The following FEM1C variants were observed in gnomAD, a reference collection of about 807,000 sequenced individuals.
FEM1C encodes protein fem-1 homolog C.
Under a neutral mutation model 37.6 loss-of-function variants are expected in FEM1C, and 15 were observed. The observed-to-expected ratio is 0.40, with a 90% CI of 0.27 to 0.61. FEM1C has a LOEUF of 0.61. Ranked by LOEUF, FEM1C falls within the 20% of genes least tolerant of loss-of-function variation. The pLI, the probability that FEM1C is intolerant of heterozygous loss-of-function variation, is 0.42. For synonymous variants in FEM1C, 287 were observed against 272.8 expected (o/e 1.05, Z -0.51); for missense variants, 532 against 749.7 (o/e 0.71, Z 3.39).
intron 2 of FEM1C, among the ~76,000 whole-genome samples, chr5:115,529,853 A>ACATAACTACAT (rs1223841435): frequency 6.6e-6 from 1 of 152,020 alleles, no homozygotes; most frequent in Non-Finnish European, 1.5e-5. Context: ...GAGGGTATGC[A>ACATAACTACAT]CATAACTACA....
intron 2 of FEM1C, among the ~76,000 whole-genome samples, chr5:115,536,557 G>C (rs1464689728): frequency 6.6e-6 from 1 of 151,812 alleles, no homozygotes; most frequent in Non-Finnish European, 1.5e-5. Context: ...GATGGAGGAG[G>C]TAAGAAGGGA....
At chr5:115,532,323 T>G (rs571571474) in intron 2 of FEM1C, among the ~76,000 whole-genome samples, 1 of 152,132 alleles carries the variant, frequency 6.6e-6, no homozygotes, top group Non-Finnish European at 1.5e-5. Context: ...CTAAGGTAGA[T>G]TCTAAATTTT....
At chr5:115,543,876 G>GTTCT (rs1754296726) in intron 1 of FEM1C, 193 bp from the exon 2 acceptor site, 27 of 984,812 alleles carry the variant, frequency 2.7e-5, no homozygotes, top group Non-Finnish European at 3.3e-5. Flanking sequence ...AGACCCAAAT[G>GTTCT]TTCTGGTCGC....
intron 2 of FEM1C, among the ~76,000 whole-genome samples, chr5:115,535,183 T>C (rs188219004): frequency 1.3e-5 from 2 of 151,800 alleles, no homozygotes; most frequent in African/African-American, 4.8e-5. Context: ...AACAATTTTC[T>C]TGTTTAAGTA....
chr5:115,524,743 A>T lies in FEM1C; in HGVS notation c.1419T>A (p.Leu473=), dbSNP rs979699778. 2.6e-6 allele frequency: 4 copies of T among 1,543,294 alleles called. No individual in the cohort carries two copies. Among genetic ancestry groups the T allele is most frequent in the Admixed American group, 2.1e-5 (1 of 48,000 alleles). Residue 473 remains leucine (L), a synonymous_variant, in exon 3 of 3, where the codon CTT becomes CTA. Transcript: ENST00000274457. ...HFKKQTIYRF[L]KLHPRGKNNF... ...TATTCTTTCCCCTTGGATGCAGCTT[A>T]AGAAACCTGTATATAGTCTGCTTTT...
chr5:115,527,261 G>A (rs897140458), intron 2 of FEM1C, among the ~76,000 whole-genome samples: 1 of 152,070 alleles, frequency 6.6e-6, no homozygotes, highest in Non-Finnish European at 1.5e-5. Context: ...GTACCAGAAA[G>A]TATTTTAAAC....
At chr5:115,528,372 C>G (rs912608624) in intron 2 of FEM1C, among the ~76,000 whole-genome samples, 1 of 152,112 alleles carries the variant, frequency 6.6e-6, no homozygotes, top group Non-Finnish European at 1.5e-5. Context: ...AGCTGAAACA[C>G]TGAGCAGAAC....
At chr5:115,530,406 A>G (rs948302898) in intron 2 of FEM1C, among the ~76,000 whole-genome samples, 1 of 152,286 alleles carries the variant, frequency 6.6e-6, no homozygotes, top group African/African-American at 2.4e-5. Flanking sequence ...AAAAATCGAC[A>G]GAACTACTAG....
intron 2 of FEM1C, among the ~76,000 whole-genome samples, chr5:115,530,853 AG>A (rs1754000344): frequency 6.6e-6 from 1 of 152,116 alleles, no homozygotes; most frequent in Non-Finnish European, 1.5e-5. Flanking sequence ...TTAGATAAAA[AG>A]AAAGGCTTAT....
In FEM1C at chr5:115,524,423, G is replaced by C; in HGVS notation, c.1739C>G (p.Pro580Arg). ...EKEIAKNLIQPINHTTLQCLA... is the reference protein window; with the variant it reads ...EKEIAKNLIQRINHTTLQCLA... ...ACACTGCAATGTGGTATGATTTATA[G>C]GCTGGATTAAATTTTTAGCTATTTC... The change falls in exon 3 of 3, where the codon CCT becomes CGT. Residue 580 changes from proline (P) to arginine (R), a missense_variant. By Grantham distance (103) the Pro-to-Arg change is moderately radical. Transcript: ENST00000274457. 6.2e-7 allele frequency: 1 copy of C among 1,613,460 alleles called. No homozygotes were observed. The highest frequency in any genetic ancestry group is 8.5e-7 in the Non-Finnish European group (1 of 1,179,690).
rs1753959595 is a variant in FEM1C at position 115,528,870 on chromosome 5, C to T, written c.545-3253G>A. Among the ~76,000 whole-genome samples, 2 of 151,972 alleles carry T rather than the reference C, an allele frequency of 1.3e-5. 1 individual carries two copies. The highest frequency in any genetic ancestry group is 1.3e-4 in the Admixed American group (2 of 15,254). ...GAGTTTTTTAAAATTGAGAATTCAA[C>T]AGAAAACTGGAAACTAATCAAGTAG... On this transcript the variant is annotated intron_variant, in intron 2 of 2. Coordinates refer to ENST00000274457, the MANE Select transcript of FEM1C (RefSeq NM_020177.3).
At chr5:115,532,283 ATC>A (rs1754032730) in intron 2 of FEM1C, among the ~76,000 whole-genome samples, 3 of 152,128 alleles carry the variant, frequency 2.0e-5, no homozygotes. Flanking sequence ...TATTTCTTAT[ATC>A]CCAGAAGCAA....
Position 115,524,954 on chromosome 5 carries a change from C to T in FEM1C, c.1208G>A (p.Gly403Asp), listed in dbSNP as rs780305055. Reference protein sequence around the residue: ...MLQDRAKGLLGTTVTFDDLMG... With the variant: ...MLQDRAKGLLDTTVTFDDLMG... ...AAGATCATCAAATGTAACAGTAGTA[C>T]CCAGCAGGCCTTTAGCCCTATCCTG... The change falls in exon 3 of 3, where the codon GGT (glycine) becomes GAT (aspartate). Residue 403 changes from glycine to aspartate, a missense_variant. By Grantham distance (94) the Gly-to-Asp change is moderately conservative. Transcript: ENST00000274457. 1 of 1,613,672 alleles carries T rather than the reference C, an allele frequency of 6.2e-7. No homozygotes were observed. Among genetic ancestry groups the T allele is most frequent in the African/African-American group, 1.3e-5 (1 of 74,950 alleles).
At chr5:115,538,731 T>G (rs1754180354) in intron 2 of FEM1C, among the ~76,000 whole-genome samples, 1 of 152,048 alleles carries the variant, frequency 6.6e-6, no homozygotes, top group Non-Finnish European at 1.5e-5. Context: ...AATTCAGCCC[T>G]GAGTGCCTTT....
chr5:115,543,050 A>T lies in FEM1C; in HGVS notation c.444T>A (p.His148Gln), dbSNP rs752355409. ...HKADLEVSNR[H>Q]GHTCLMISCY... The stretch of plus-strand genomic sequence containing the variant: ...ATGAAATCATCAAGCACGTATGCCC[A>T]TGTCGGTTTGACACTTCCAAATCAG... The change falls in exon 2 of 3, where the codon CAT becomes CAA. Residue 148 changes from histidine to glutamine, a missense_variant. By Grantham distance (24) the His-to-Gln change is conservative. This residue lies in a region of FEM1C where 221 missense variants were observed against 404.1 expected (regional missense o/e 0.55). Transcript: ENST00000274457. The T allele has an allele frequency of 1.9e-6, 3 of 1,614,220 alleles. No individual in the cohort carries two copies. The highest frequency in any genetic ancestry group is 2.5e-6 in the Non-Finnish European group (3 of 1,180,040).
intron 2 of FEM1C, among the ~76,000 whole-genome samples, chr5:115,526,467 A>G (rs1330471724): frequency 6.6e-6 from 1 of 152,150 alleles, no homozygotes; most frequent in African/African-American, 2.4e-5. Context: ...ATGTTCTAAC[A>G]CTGTCCTTTT....
chr5:115,540,474 A>G (rs2127175177), intron 2 of FEM1C, among the ~76,000 whole-genome samples: 1 of 152,212 alleles, frequency 6.6e-6, no homozygotes, highest in East Asian at 1.9e-4. Flanking sequence ...TTAAAGACAT[A>G]CATATTAGAT....
intron 1 of FEM1C, chr5:115,543,976 T>C (rs1754299056): frequency 2.0e-6 from 2 of 985,250 alleles, no homozygotes; most frequent in African/African-American, 1.7e-5. Flanking sequence ...TTTGTTCTAG[T>C]TTTGCTTTGC....
chr5:115,539,264 G>C (rs1580384947), intron 2 of FEM1C, among the ~76,000 whole-genome samples: 2 of 152,094 alleles, frequency 1.3e-5, no homozygotes, highest in Middle Eastern at 6.8e-3. Context: ...ATTTCTGTTA[G>C]AATTAGGGTG....
Sources: gnomAD v4.1 joint callset for allele counts (sites outside exome capture counted in the v4.1 genomes callset) on GRCh38, gnomAD v4.1.1 for gene constraint, gnomAD v4.1.1 regional missense constraint, MANE v1.5 for transcripts, NCBI Gene and HGNC (gene_info 2026-07-23, HGNC 2026-07-21) for gene names.